Variants in SRRM4 observed in about 807,000 individuals in gnomAD.
SRRM4 encodes serine/arginine repetitive matrix 4, also known as serine/arginine repetitive matrix protein 4.
SRRM4 carries 33 observed loss-of-function variants against 68.9 expected under a neutral mutation model. The ratio of observed to expected loss-of-function variants is 0.48; its 90% CI spans 0.36 to 0.64. The LOEUF is 0.64. SRRM4 is among the 30% of genes least tolerant of loss of function. The pLI is 0.00. For synonymous variants in SRRM4, 318 were observed against 318.8 expected, an observed-to-expected ratio of 1.00 and a Z score of 0.03; for missense variants, 817 against 827.1, an observed-to-expected ratio of 0.99 and a Z score of 0.15.
chr12:119,104,162 G>A (rs141504508), intron 2 of SRRM4, among the ~76,000 whole-genome samples: 1 of 152,154 alleles, frequency 6.6e-6, no homozygotes, highest in African/African-American at 2.4e-5. Context: ...TAATTCTCAA[G>A]GTCAGGATGA....
rs551881586 is a variant in SRRM4 at position 119,097,140 on chromosome 12, C to A, written c.132-5096C>A. The stretch of plus-strand genomic sequence containing the variant: ...GCTTCTTTTAAGTATTTTTTAAATG[C>A]GATATAGAAGGAAAATGAGGCAACT... On this transcript the variant is annotated intron_variant, in intron 1 of 12. Coordinates refer to ENST00000267260, the MANE Select transcript of SRRM4 (RefSeq NM_194286.4). 1.2e-3 allele frequency among the ~76,000 whole-genome samples: 178 copies of A among 152,100 alleles called. 1 individual carries two copies. The highest frequency in any genetic ancestry group is 1.9e-3 in the Non-Finnish European group (126 of 68,010).
In SRRM4 at chr12:119,120,416, A is replaced by G. The variant is rs949725665; in HGVS notation, c.464+140A>G. The stretch of plus-strand genomic sequence containing the variant: ...TCTTCCTGGGCCTCAGTTTCCTCCA[A>G]AATGAAGGTCTGGGCTGTTTTTTCT... On this transcript the variant is annotated intron_variant, in intron 5 of 12. Transcript: ENST00000267260. The G allele has an allele frequency of 1.1e-5, 10 of 913,624 alleles. No individual in the cohort carries two copies. In the African/African-American group the frequency reaches 1.4e-4, roughly 12 times the overall value. The allele number at this position is 913,624 out of a possible 1,614,324, so 56.6% of individuals were successfully genotyped here.
intron 2 of SRRM4, among the ~76,000 whole-genome samples, chr12:119,110,777 G>T (rs141392430): frequency 0.077 from 11,722 of 152,218 alleles, 504 homozygotes; most frequent in Admixed American, 0.1. Context: ...CACTTCCCAG[G>T]TGAGGCGATG....
In SRRM4 at chr12:119,153,647, C is replaced by A; in HGVS notation, c.1389C>A (p.Ser463Arg). The change falls in exon 11 of 13, where the codon AGC (serine) becomes AGA (arginine). Residue 463 changes from serine (S) to arginine (R), a missense_variant and splice_region_variant. Ser to Arg is a moderately radical substitution (Grantham distance 110). Coordinates refer to ENST00000267260, the MANE Select transcript of SRRM4 (RefSeq NM_194286.4). ...RSPSYSRYSP[S>R]RERDPKYSEK... is the part of the protein sequence containing the mutation. ...CTAGCTACTCCCGCTACAGCCCCAG[C>A]AGGTACCGGCCCCGCCCCTCAAACT... 1 of 1,550,298 alleles carries A rather than the reference C, an allele frequency of 6.5e-7. No homozygotes were observed. Among genetic ancestry groups the A allele is most frequent in the Non-Finnish European group, 8.7e-7 (1 of 1,149,130 alleles).
intron 1 of SRRM4, among the ~76,000 whole-genome samples, chr12:119,012,110 A>C (rs1310216677): frequency 6.6e-6 from 1 of 152,252 alleles, no homozygotes; most frequent in Non-Finnish European, 1.5e-5. Context: ...AATAGTTTTT[A>C]CATGGAAAAA....
intron 1 of SRRM4, chr12:119,001,966 G>C (rs1159995379): frequency 7.3e-6 from 1 of 136,532 alleles, no homozygotes; most frequent in African/African-American, 2.8e-5. Flanking sequence ...CTGGGTGACA[G>C]AGTGAAAACA....
chr12:119,153,949 G>C (rs1954455836), intron 11 of SRRM4, among the ~76,000 whole-genome samples: 2 of 151,870 alleles, frequency 1.3e-5, no homozygotes, highest in Non-Finnish European at 2.9e-5. Context: ...CCACGCACCA[G>C]GGCCTGCGTA....
chr12:119,023,355 G>A (rs1482249727), intron 1 of SRRM4, among the ~76,000 whole-genome samples: 1 of 152,194 alleles, frequency 6.6e-6, no homozygotes, highest in East Asian at 1.9e-4. Context: ...ACCTGAGAGG[G>A]ACAGTTAGTT....
intron 7 of SRRM4, among the ~76,000 whole-genome samples, chr12:119,129,183 CTT>C (rs1379006937): frequency 6.6e-6 from 1 of 152,182 alleles, no homozygotes; most frequent in Non-Finnish European, 1.5e-5. Flanking sequence ...AAAGTAATAC[CTT>C]GCCCTGTCTA....
intron 1 of SRRM4, 137 bp from the exon 2 acceptor site, chr12:119,102,099 T>C: frequency 2.5e-6 from 2 of 805,910 alleles, no homozygotes; most frequent in Non-Finnish European, 3.8e-6. Flanking sequence ...TAGAGACCAT[T>C]GGCCAAAGAT....
rs1393860479 is a variant in SRRM4, at chr12:119,145,287, A to G, written c.772-94A>G. ...TCCTCTCTCTCTCTTTCCTTTCGTTACAGTGCATCATGACGGTAAACATTT... is the reference window on the plus strand; with the variant it reads ...TCCTCTCTCTCTCTTTCCTTTCGTTGCAGTGCATCATGACGGTAAACATTT... On this transcript the variant is annotated intron_variant, in intron 8 of 12. Coordinates refer to ENST00000267260, the MANE Select transcript of SRRM4 (RefSeq NM_194286.4). The G allele has an allele frequency of 8.5e-6, 9 of 1,054,004 alleles. No homozygotes were observed. In the African/African-American group the frequency reaches 1.2e-4, roughly 13 times the overall value. 65.3% of individuals were successfully genotyped at this position (1,054,004 alleles called of 1,614,324 possible).
chr12:119,134,871 G>A (rs969973086), intron 8 of SRRM4, among the ~76,000 whole-genome samples: 2 of 152,220 alleles, frequency 1.3e-5, no homozygotes, highest in African/African-American at 2.4e-5. Flanking sequence ...AGGATCATTT[G>A]AGCTGGGCTT....
intron 1 of SRRM4, among the ~76,000 whole-genome samples, chr12:119,027,555 C>A (rs1424499055): frequency 6.6e-6 from 1 of 152,156 alleles, no homozygotes; most frequent in Non-Finnish European, 1.5e-5. Context: ...GTATACCCTG[C>A]ATGATGCAAA....
intron 9 of SRRM4, among the ~76,000 whole-genome samples, chr12:119,149,350 A>G (rs1954424385): frequency 6.6e-6 from 1 of 152,194 alleles, no homozygotes; most frequent in African/African-American, 2.4e-5. Context: ...GTCTCAAAAA[A>G]TAAATAAATA....
At chr12:119,014,399 C>T (rs1953468845) in intron 1 of SRRM4, among the ~76,000 whole-genome samples, 1 of 152,114 alleles carries the variant, frequency 6.6e-6, no homozygotes, top group African/African-American at 2.4e-5. Flanking sequence ...CACCCCCCAC[C>T]TCTCTACCAA....
chr12:119,049,179 G>A (rs1953726217), intron 1 of SRRM4, among the ~76,000 whole-genome samples: 2 of 152,180 alleles, frequency 1.3e-5, no homozygotes, highest in Non-Finnish European at 2.9e-5. Flanking sequence ...GAAAAGCGTG[G>A]CATTGGACAG....
In SRRM4 at chr12:119,157,396, A is replaced by C. The variant is rs1487222200; in HGVS notation, c.*598A>C. 1 of 153,166 alleles carries C rather than the reference A, an allele frequency of 6.5e-6. No homozygotes were observed. The highest frequency in any genetic ancestry group is 1.5e-5 in the Non-Finnish European group (1 of 68,816). The allele number at this position is 153,166 out of a possible 1,614,324, so 9.5% of individuals were successfully genotyped here. A position where few individuals can be genotyped will look rare whatever the true frequency, so the allele number is the denominator to read the frequency against. Reference sequence around the variant, plus strand: ...GGATATCCTTGAATACCAGATGGGGACGTTTGACTTGGTGGGAGGTGTCAG... The same window carrying C: ...GGATATCCTTGAATACCAGATGGGGCCGTTTGACTTGGTGGGAGGTGTCAG... On this transcript the variant is annotated 3_prime_UTR_variant, in exon 13 of 13. Coordinates refer to ENST00000267260, the MANE Select transcript of SRRM4 (RefSeq NM_194286.4). This position sits in a 1 kb window ranked among gnomAD's most constrained non-coding sequence, Gnocchi z 4.1.
Position 119,153,632 on chromosome 12 carries a change from C to A in SRRM4, c.1374C>A (p.Ser458=), listed in dbSNP as rs764390535. ...SSRSRRSPSY[S]RYSPSRERDP... ...GGTCCCGCCGCAGCCCTAGCTACTC[C>A]CGCTACAGCCCCAGCAGGTACCGGC... is the stretch of plus-strand genomic sequence containing the variant. Residue 458 remains serine, a synonymous_variant, in exon 11 of 13, where the codon TCC becomes TCA. Transcript: ENST00000267260. 7 of 1,557,590 alleles carry A rather than the reference C, an allele frequency of 4.5e-6. No individual in the cohort carries two copies. The South Asian group carries it at 5.9e-5, about 13-fold the overall frequency.
In SRRM4 at chr12:119,160,289, G is replaced by GTCTCTCTCTCTGTC. The variant is rs1954503901; in HGVS notation, c.*3502_*3503insGTCTCTCTCTCTCT. ...TGTCTCTCTCTCTGTCTCTCTCTCT[G>GTCTCTCTCTCTGTC]TCTCTCTCTCTCTCTCTCTCTCTCT... On this transcript the variant is annotated 3_prime_UTR_variant, in exon 13 of 13. Transcript: ENST00000267260. 4.2e-5 allele frequency: 6 copies of GTCTCTCTCTCTGTC among 143,160 alleles called. No individual in the cohort carries two copies. The highest frequency in any genetic ancestry group is 6.1e-5 in the Non-Finnish European group (4 of 65,336). The allele number at this position is 143,160 out of a possible 1,614,324, so 8.9% of individuals were successfully genotyped here. A position where few individuals can be genotyped will look rare whatever the true frequency, so the allele number is the denominator to read the frequency against.
Sources: allele counts gnomAD v4.1 joint callset (sites outside exome capture counted in the v4.1 genomes callset), GRCh38; gene constraint gnomAD v4.1.1; non-coding constraint Gnocchi (gnomAD v3.1); transcripts MANE v1.5; gene names NCBI Gene and HGNC (gene_info 2026-07-23, HGNC 2026-07-21).